The following RTF1 variants were observed in gnomAD, a reference collection of about 807,000 sequenced individuals.
RTF1 encodes RTF1 homolog, Paf1/RNA polymerase II complex component, also known as RNA polymerase-associated protein RTF1 homolog.
In RTF1, 10 loss-of-function variants were observed where a neutral mutation model predicts 95.7. The observed-to-expected ratio is 0.10, with a 90% CI of 0.06 to 0.18. The LOEUF (loss-of-function observed/expected upper bound fraction) is 0.18, where lower values mean the gene tolerates loss of function less well. RTF1 is among the 10% of genes least tolerant of loss of function. The probability of loss-of-function intolerance (pLI) is 1.00; values close to 1 mark genes in which losing one functional copy is unlikely to be tolerated. For synonymous variants in RTF1, 305 were observed against 311.8 expected, an observed-to-expected ratio of 0.98 and a Z score of 0.23; for missense variants, 458 against 875.6, an observed-to-expected ratio of 0.52 and a Z score of 6.02.
chr15:41,440,055 T>C (rs1176183126), intron 2 of RTF1, among the ~76,000 whole-genome samples: 1 of 148,466 alleles, frequency 6.7e-6, no homozygotes, highest in East Asian at 1.9e-4. Context: ...AGGAAAATAT[T>C]TGTTAACAGT....
rs887521259 is a variant in RTF1, at chr15:41,444,077, CAAAG to C, written c.309+5650_309+5653del. ...AGCGAGACTCCATCTCAAAAAAAAA[CAAAG>C]AAAAAGAAAAATTAAAAAAAAATTT... On this transcript the variant is annotated intron_variant, in intron 2 of 17. Coordinates refer to ENST00000389629, the MANE Select transcript of RTF1 (RefSeq NM_015138.5). 4.8e-5 allele frequency among the ~76,000 whole-genome samples: 7 copies of C among 144,670 alleles called. 1 individual carries two copies. Among genetic ancestry groups the C allele is most frequent in the Non-Finnish European group, 1.0e-4 (7 of 66,984 alleles). 94.9% of individuals were successfully genotyped at this position (144,670 alleles called of 152,430 possible).
At chr15:41,480,160 T>G in intron 16 of RTF1, 54 bp from the exon 17 acceptor site, 34 of 1,174,948 alleles carry the variant, frequency 2.9e-5, no homozygotes, top group Non-Finnish European at 4.3e-5. Context: ...TGCTGCTGCT[T>G]GAAATCCACT....
At position 41,481,258 on chromosome 15, in the gene RTF1, C is replaced by G. The variant is rs1260952983; in HGVS notation, c.*571C>G. On this transcript the variant is annotated 3_prime_UTR_variant, in exon 18 of 18. Coordinates refer to ENST00000389629, the MANE Select transcript of RTF1 (RefSeq NM_015138.5). ...GTGTACATTTGTGGGGGGGGGGGGT[C>G]TAATTTGAGAGCGAGAGTGTGTATG... 8.5e-6 allele frequency: 1 copy of G among 117,660 alleles called. No individual in the cohort carries two copies. Among genetic ancestry groups the G allele is most frequent in the South Asian group, 2.7e-4 (1 of 3,694 alleles). The allele number at this position is 117,660 out of a possible 1,614,324, so 7.3% of individuals were successfully genotyped here. A position where few individuals can be genotyped will look rare whatever the true frequency, so the allele number is the denominator to read the frequency against.
intron 3 of RTF1, among the ~76,000 whole-genome samples, chr15:41,453,823 A>G (rs1396692674): frequency 6.6e-6 from 1 of 152,206 alleles, no homozygotes; most frequent in African/African-American, 2.4e-5. Context: ...GATAACCTGT[A>G]AATTATAAAA....
chr15:41,471,729 T>C (rs1249422423), intron 8 of RTF1, among the ~76,000 whole-genome samples: 1 of 151,356 alleles, frequency 6.6e-6, no homozygotes, highest in East Asian at 1.9e-4. Context: ...CACCAGGGAA[T>C]TGTATTGAGG....
intron 15 of RTF1, chr15:41,478,887 G>A (rs2050955838): frequency 1.7e-6 from 1 of 602,214 alleles, no homozygotes; most frequent in Middle Eastern, 4.2e-4. Context: ...CATTAGTAAT[G>A]TGTCCCTTAG....
rs2050969371 is a variant in RTF1, at chr15:41,480,918, C to CTTTA, written c.*232_*233insTTAT. 1 of 545,484 alleles carries CTTTA rather than the reference C, an allele frequency of 1.8e-6. No homozygotes were observed. Among genetic ancestry groups the CTTTA allele is most frequent in the African/African-American group, 1.9e-5 (1 of 52,996 alleles). 33.8% of individuals were successfully genotyped at this position (545,484 alleles called of 1,614,324 possible). A position where few individuals can be genotyped will look rare whatever the true frequency, so the allele number is the denominator to read the frequency against. ...GGGCCCCACCCAGTGTGGGCCTGGG[C>CTTTA]TCTCTTGGGCTTTATCCATGTCTTT... is the stretch of plus-strand genomic sequence containing the variant. On this transcript the variant is annotated 3_prime_UTR_variant, in exon 18 of 18. Transcript: ENST00000389629.
intron 4 of RTF1, among the ~76,000 whole-genome samples, chr15:41,464,516 GGT>G (rs2050870555): frequency 1.3e-5 from 2 of 152,132 alleles, no homozygotes; most frequent in Admixed American, 1.3e-4. Flanking sequence ...TGGGATTACA[GGT>G]GTGAGCCCCT....
chr15:41,420,473 C>T (rs1347145245), intron 1 of RTF1, among the ~76,000 whole-genome samples: 1 of 152,116 alleles, frequency 6.6e-6, no homozygotes, highest in Non-Finnish European at 1.5e-5. Context: ...ATCTTTCCTG[C>T]CCCAAATACC....
At position 41,482,716 on chromosome 15, in the gene RTF1, T is replaced by TAA. The variant is rs1402409294; in HGVS notation, c.*2030_*2031insAA. On this transcript the variant is annotated 3_prime_UTR_variant, in exon 18 of 18. Transcript: ENST00000389629. ...ATAGTCCATTGACCGAAACTCTTTA[T>TAA]AGACTATTGTGTAAATGTGGAATCA... is the stretch of plus-strand genomic sequence containing the variant. 2 of 152,722 alleles carry TAA rather than the reference T, an allele frequency of 1.3e-5. No homozygotes were observed. Among genetic ancestry groups the TAA allele is most frequent in the Admixed American group, 6.5e-5 (1 of 15,300 alleles). 9.5% of individuals were successfully genotyped at this position (152,722 alleles called of 1,614,324 possible). A position where few individuals can be genotyped will look rare whatever the true frequency, so the allele number is the denominator to read the frequency against.
At chr15:41,439,853 C>T (rs1190722450) in intron 2 of RTF1, among the ~76,000 whole-genome samples, 4 of 151,938 alleles carry the variant, frequency 2.6e-5, no homozygotes, top group African/African-American at 7.3e-5. Flanking sequence ...GGTTTTGCCA[C>T]GTTCGCCAGG....
At chr15:41,431,937 C>G (rs1413089135) in intron 1 of RTF1, among the ~76,000 whole-genome samples, 1 of 151,844 alleles carries the variant, frequency 6.6e-6, no homozygotes, top group East Asian at 1.9e-4. Flanking sequence ...AGTAGCTAGA[C>G]TACAGGTGCA....
chr15:41,468,357 G>A (rs935246279), intron 6 of RTF1, among the ~76,000 whole-genome samples: 5 of 149,318 alleles, frequency 3.3e-5, no homozygotes, highest in Non-Finnish European at 5.9e-5. Flanking sequence ...TCGCTCTGTC[G>A]CCCAGGTTGG....
At chr15:41,452,726 CCT>C (rs1043923407) in intron 2 of RTF1, among the ~76,000 whole-genome samples, 173 bp from the exon 3 acceptor site, 1 of 151,824 alleles carries the variant, frequency 6.6e-6, no homozygotes, top group Non-Finnish European at 1.5e-5. Context: ...AGAATGAGAC[CCT>C]GTTTCAAAAA....
intron 1 of RTF1, among the ~76,000 whole-genome samples, chr15:41,429,939 C>T (rs1199787066): frequency 1.3e-5 from 2 of 151,068 alleles, no homozygotes; most frequent in Non-Finnish European, 3.0e-5. Context: ...TCCATGAGGT[C>T]AAGGACCATG....
chr15:41,417,131 T>G lies in RTF1; in HGVS notation c.16T>G (p.Cys6Gly), dbSNP rs1314948856. MRGRL[C>G]VGRAAAAAAA... ...CGGAGCGCGCATGCGCGGTCGCCTT[T>G]GTGTGGGTCGAGCAGCGGCGGCGGC... Residue 6 changes from cysteine (C) to glycine (G), a missense_variant, in exon 1 of 18, where the codon TGT (cysteine) becomes GGT (glycine). Cys to Gly is a radical substitution (Grantham distance 159). This residue lies in a region of RTF1 where 81 missense variants were observed against 59.9 expected (regional missense o/e 1.35). Transcript: ENST00000389629. 12 of 1,252,528 alleles carry G rather than the reference T, an allele frequency of 9.6e-6. No individual in the cohort carries two copies. Among genetic ancestry groups the G allele is most frequent in the Non-Finnish European group, 1.2e-5 (12 of 994,632 alleles). 77.6% of individuals were successfully genotyped at this position (1,252,528 alleles called of 1,614,324 possible).
intron 4 of RTF1, among the ~76,000 whole-genome samples, chr15:41,461,255 C>T (rs1237659982): frequency 1.3e-5 from 2 of 151,862 alleles, no homozygotes; most frequent in Non-Finnish European, 2.9e-5. Flanking sequence ...GTTGGCCAGG[C>T]TGGTCTCCAT....
In RTF1 at chr15:41,431,589, A is replaced by G. The variant is rs183220670; in HGVS notation, c.199-6732A>G. On this transcript the variant is annotated intron_variant, in intron 1 of 17. Transcript: ENST00000389629. ...GAAGTGGTTCACTGCACTCTCAACC[A>G]CCCAGACTCAAAACAATTCTGCCTC... Among the ~76,000 whole-genome samples the G allele has an allele frequency of 1.3e-3, 203 of 151,982 alleles. 1 individual carries two copies. The highest frequency in any genetic ancestry group is 6.4e-3 in the South Asian group (31 of 4,822).
chr15:41,451,830 C>T (rs2050790767), intron 2 of RTF1, among the ~76,000 whole-genome samples: 1 of 152,156 alleles, frequency 6.6e-6, no homozygotes, highest in African/African-American at 2.4e-5. Flanking sequence ...ACTGCCATCT[C>T]TGCCACATAA....
Sources: gnomAD v4.1 joint callset for allele counts (sites outside exome capture counted in the v4.1 genomes callset) on GRCh38, gnomAD v4.1.1 for gene constraint, gnomAD v4.1.1 regional missense constraint, MANE v1.5 for transcripts, NCBI Gene and HGNC (gene_info 2026-07-23, HGNC 2026-07-21) for gene names.